DYM: variants seen among roughly 807,000 people sequenced by gnomAD.
DYM encodes dyggve-Melchior-Clausen syndrome protein.
In DYM, 78 loss-of-function variants were observed where a neutral mutation model predicts 93.1. The ratio of observed to expected loss-of-function variants is 0.84; its 90% CI spans 0.70 to 1.01. The LOEUF is 1.01. Among genes scored for constraint, DYM ranks in the 50% least tolerant of loss-of-function variants. The probability of loss-of-function intolerance (pLI) is 0.00; values close to 1 mark genes in which losing one functional copy is unlikely to be tolerated. For missense variants in DYM, 789 were observed against 845.0 expected (o/e 0.93, Z 0.82); for synonymous variants, 321 against 319.7 (o/e 1.00, Z -0.04).
rs181530337 is a variant in DYM, at chr18:49,113,312, C to T, written c.1911+5432G>A. ...TCATATTCAGCCATTTCTTAGGTAA[C>T]CAGACAATTTATTTTATGTTCTCTC... is the stretch of plus-strand genomic sequence containing the variant. On this transcript the variant is annotated intron_variant, in intron 16 of 17. Coordinates refer to ENST00000675505, the MANE Select transcript of DYM (RefSeq NM_001353214.3). Among the ~76,000 whole-genome samples, 266 of 152,258 alleles carry T rather than the reference C, an allele frequency of 1.7e-3. 2 individuals carry two copies. The highest frequency in any genetic ancestry group is 6.0e-3 in the African/African-American group (251 of 41,546).
chr18:49,245,469 T>C (rs146352153), intron 13 of DYM, among the ~76,000 whole-genome samples: 149 of 152,228 alleles, frequency 9.8e-4, no homozygotes, highest in African/African-American at 2.4e-3. Context: ...GGTAGGTATA[T>C]AGATGGCCAC....
intron 2 of DYM, among the ~76,000 whole-genome samples, chr18:49,392,605 C>G (rs1029428487): frequency 6.9e-6 from 1 of 145,204 alleles, no homozygotes; most frequent in East Asian, 2.0e-4. Context: ...AAAACATGCT[C>G]AACATCACTA....
intron 8 of DYM, among the ~76,000 whole-genome samples, chr18:49,294,949 G>C (rs935199368): frequency 6.6e-6 from 1 of 152,170 alleles, no homozygotes; most frequent in African/African-American, 2.4e-5. Flanking sequence ...AATTCTGCTA[G>C]AGATGTTCAG....
chr18:49,239,394 G>A (rs1234353971), intron 13 of DYM, among the ~76,000 whole-genome samples: 1 of 152,190 alleles, frequency 6.6e-6, no homozygotes, highest in Admixed American at 6.5e-5. Context: ...TCTCCTAGCA[G>A]TCTTGTGGCA....
At chr18:49,265,752 T>C (rs1271119195) in intron 11 of DYM, among the ~76,000 whole-genome samples, 5 of 134,606 alleles carry the variant, frequency 3.7e-5, no homozygotes, top group Admixed American at 8.4e-5. Context: ...CACTCCAGCC[T>C]GGGCAACAGG....
At chr18:49,400,389 A>G (rs1315681214) in intron 2 of DYM, among the ~76,000 whole-genome samples, 1 of 152,126 alleles carries the variant, frequency 6.6e-6, no homozygotes, top group Non-Finnish European at 1.5e-5. Flanking sequence ...TGGATCCCCC[A>G]ACACACAGCC....
intron 8 of DYM, among the ~76,000 whole-genome samples, chr18:49,313,639 GCT>G (rs1020286676): frequency 1.8e-4 from 27 of 152,184 alleles, no homozygotes; most frequent in African/African-American, 6.3e-4. Flanking sequence ...CCTCAGGACT[GCT>G]CTGTCTACGG....
chr18:49,147,714 G>A (rs1478443873), intron 15 of DYM, among the ~76,000 whole-genome samples: 4 of 152,004 alleles, frequency 2.6e-5, no homozygotes, highest in Non-Finnish European at 5.9e-5. Flanking sequence ...AGAGGATGTG[G>A]AGAAATAGGA....
intron 1 of DYM, chr18:49,447,283 C>T (rs946317397): frequency 1.2e-4 from 18 of 152,210 alleles, no homozygotes; most frequent in African/African-American, 4.3e-4. Context: ...CTTTTTCGAA[C>T]ACGTCTCTTT....
intron 14 of DYM, chr18:49,206,011 G>GTTTGTTTGTTTGTTTTTTTTTTTTTTT (rs2092475166): frequency 1.5e-5 from 2 of 135,040 alleles, no homozygotes; most frequent in Admixed American, 8.2e-5. Context: ...TTGTTTTTTT[G>GTTTGTTTGTTTGTTTTTTTTTTTTTTT]TTTTTTGCGG....
intron 14 of DYM, among the ~76,000 whole-genome samples, chr18:49,166,178 T>G (rs1463050137): frequency 2.6e-5 from 4 of 152,200 alleles, no homozygotes; most frequent in Non-Finnish European, 5.9e-5. Flanking sequence ...TGTGTATGAT[T>G]CCAGAAACCT....
intron 15 of DYM, among the ~76,000 whole-genome samples, chr18:49,142,253 T>C (rs2084596907): frequency 6.6e-6 from 1 of 152,188 alleles, no homozygotes; most frequent in South Asian, 2.1e-4. Context: ...ATTTAAAAGA[T>C]AATTAATTAT....
Position 49,039,094 on chromosome 18 carries a change from G to T in DYM, c.*4961C>A, listed in dbSNP as rs1007225888. Among the ~76,000 whole-genome samples the T allele has an allele frequency of 2.3e-4, 35 of 151,856 alleles. No homozygotes were observed. Among genetic ancestry groups the T allele is most frequent in the Non-Finnish European group, 1.3e-4 (9 of 67,980 alleles). On this transcript the variant is annotated 3_prime_UTR_variant, in exon 18 of 18. Transcript: ENST00000675505. ...AAACACCTTTTAAATTTTCCTTTAG[G>T]GTAGGCGTGCTGATTAATTCTTCTA... is the stretch of plus-strand genomic sequence containing the variant.
At chr18:49,429,652 T>C (rs1224540271) in intron 2 of DYM, among the ~76,000 whole-genome samples, 1 of 152,226 alleles carries the variant, frequency 6.6e-6, no homozygotes, top group Non-Finnish European at 1.5e-5. Flanking sequence ...CAATTTGGCA[T>C]AGCTACCAAA....
intron 15 of DYM, among the ~76,000 whole-genome samples, chr18:49,150,497 T>C (rs113026385): frequency 0.057 from 8,625 of 152,272 alleles, 335 homozygotes; most frequent in Middle Eastern, 0.12. Flanking sequence ...ATTGAGAAGG[T>C]GGCTGTCTGG....
intron 14 of DYM, among the ~76,000 whole-genome samples, chr18:49,166,832 C>T (rs1456901595): frequency 6.6e-6 from 1 of 151,874 alleles, no homozygotes; most frequent in Admixed American, 6.6e-5. Context: ...AAAAGAAAAG[C>T]AATAAATATG....
At position 49,281,816 on chromosome 18, in the gene DYM, G is replaced by C. The variant is rs1012356308; in HGVS notation, c.1125+181C>G. Among the ~76,000 whole-genome samples, 45 of 152,292 alleles carry C rather than the reference G, an allele frequency of 3.0e-4. 1 individual carries two copies. The highest frequency in any genetic ancestry group is 1.1e-3 in the African/African-American group (44 of 41,558). The stretch of plus-strand genomic sequence containing the variant: ...TGGGGCCTGTTGTGGAGTGGGGGCA[G>C]GGGGAAGGGATAGCATTTGGCGATA... On this transcript the variant is annotated intron_variant, in intron 10 of 17. Transcript: ENST00000675505.
chr18:49,418,773 ACT>A (rs899248787), intron 2 of DYM, among the ~76,000 whole-genome samples: 6 of 152,194 alleles, frequency 3.9e-5, no homozygotes, highest in African/African-American at 1.4e-4. Flanking sequence ...TTGGCCCCTG[ACT>A]CTGTCAACAA....
At chr18:49,333,956 T>A in intron 6 of DYM, 103 bp from the exon 7 acceptor site, 1 of 1,262,752 alleles carries the variant, frequency 7.9e-7, no homozygotes, top group Non-Finnish European at 1.1e-6. Flanking sequence ...AAATATTCAG[T>A]ATTTTCAGGT....
Sources: gnomAD v4.1 joint callset for allele counts (sites outside exome capture counted in the v4.1 genomes callset) on GRCh38, gnomAD v4.1.1 for gene constraint, MANE v1.5 for transcripts, NCBI Gene and HGNC (gene_info 2026-07-23, HGNC 2026-07-21) for gene names.